Variants in ATF7 observed in about 807,000 individuals in gnomAD.
The protein encoded by ATF7 is activating transcription factor 7.
Under a neutral mutation model 50.4 loss-of-function variants are expected in ATF7, and 10 were observed. The ratio of observed to expected loss-of-function variants is 0.20; its 90% CI spans 0.12 to 0.34. ATF7 has a LOEUF of 0.34. ATF7 is among the 10% of genes least tolerant of loss of function. The probability of loss-of-function intolerance (pLI) is 1.00; values close to 1 mark genes in which losing one functional copy is unlikely to be tolerated. For missense variants in ATF7, 465 were observed against 613.9 expected (o/e 0.76, Z 2.56); for synonymous variants, 201 against 226.4 (o/e 0.89, Z 1.01).
chr12:53,533,397 C>T, intron 6 of ATF7, 138 bp from the exon 7 acceptor site: 1 of 650,162 alleles, frequency 1.5e-6, no homozygotes, highest in Admixed American at 2.8e-5. Flanking sequence ...TTGACACCCT[C>T]ATGAAGGTGA....
chr12:53,541,571 A>G (rs1939555231), intron 4 of ATF7, among the ~76,000 whole-genome samples: 1 of 152,128 alleles, frequency 6.6e-6, no homozygotes, highest in Non-Finnish European at 1.5e-5. Flanking sequence ...AGGGATCTGA[A>G]CTATATAAAG....
chr12:53,625,868 C>T (rs1329017575), intron 1 of ATF7: 2 of 152,308 alleles, frequency 1.3e-5, no homozygotes, highest in Non-Finnish European at 2.9e-5. Context: ...ATGATCCTTC[C>T]ATTAGGCTCC....
At chr12:53,550,255 G>A (rs537207140) in intron 3 of ATF7, among the ~76,000 whole-genome samples, 1 of 151,334 alleles carries the variant, frequency 6.6e-6, no homozygotes, top group East Asian at 2.0e-4. Flanking sequence ...GCCTGGGAGG[G>A]GGAGGTTGTG....
chr12:53,579,352 G>A (rs763715280), intron 2 of ATF7, among the ~76,000 whole-genome samples: 2 of 151,680 alleles, frequency 1.3e-5, no homozygotes, highest in African/African-American at 2.4e-5. Flanking sequence ...GGCCAAAATA[G>A]TGAAATGCCA....
chr12:53,542,164 G>T (rs1347749555), intron 4 of ATF7, among the ~76,000 whole-genome samples: 2 of 144,980 alleles, frequency 1.4e-5, no homozygotes, highest in African/African-American at 5.1e-5. Flanking sequence ...GGTGGTTTAC[G>T]CCTGTAATCC....
intron 2 of ATF7, among the ~76,000 whole-genome samples, chr12:53,560,603 C>T (rs959843841): frequency 3.9e-5 from 6 of 152,158 alleles, no homozygotes; most frequent in Non-Finnish European, 7.3e-5. Context: ...TTGCTTTTGG[C>T]CACCACAGCA....
chr12:53,549,412 T>C (rs1325143524), intron 3 of ATF7, among the ~76,000 whole-genome samples: 1 of 151,928 alleles, frequency 6.6e-6, no homozygotes, highest in Non-Finnish European at 1.5e-5. Flanking sequence ...CCCTTTCTTT[T>C]TTTTTTTCAA....
intron 3 of ATF7, among the ~76,000 whole-genome samples, chr12:53,550,609 G>C (rs1215083708): frequency 6.6e-6 from 1 of 152,112 alleles, no homozygotes; most frequent in African/African-American, 2.4e-5. Flanking sequence ...TCAAGATTTT[G>C]AGAATACTGA....
intron 1 of ATF7, among the ~76,000 whole-genome samples, chr12:53,622,948 C>T (rs113833881): frequency 0.017 from 2,628 of 152,206 alleles, 71 homozygotes; most frequent in African/African-American, 0.06. Context: ...CCTAGGAGTT[C>T]GAGGTTACAA....
At position 53,603,303 on chromosome 12, in the gene ATF7, C is replaced by T. The variant is rs541342928; in HGVS notation, c.-21-2282G>A. Among the ~76,000 whole-genome samples, 6 of 152,010 alleles carry T rather than the reference C, an allele frequency of 3.9e-5. No individual in the cohort carries two copies. In the South Asian group the frequency reaches 1.2e-3, roughly 31 times the overall value. On this transcript the variant is annotated intron_variant, in intron 1 of 11. Coordinates refer to ENST00000420353, the MANE Select transcript of ATF7 (RefSeq NM_006856.3). ...AATGTAACTTGCCTTTGCACAATCA[C>T]ATCACACTATATGGCTTCCAAATTT... is the stretch of plus-strand genomic sequence containing the variant.
At chr12:53,544,388 A>G (rs892474675) in intron 3 of ATF7, among the ~76,000 whole-genome samples, 1 of 152,220 alleles carries the variant, frequency 6.6e-6, no homozygotes, top group Non-Finnish European at 1.5e-5. Flanking sequence ...AACCGCTAGA[A>G]TGAATGACAG....
intron 1 of ATF7, among the ~76,000 whole-genome samples, chr12:53,617,168 G>A (rs1048466229): frequency 6.6e-6 from 1 of 152,086 alleles, no homozygotes; most frequent in African/African-American, 2.4e-5. Context: ...CGCTACAAAC[G>A]CATGTCACCA....
intron 1 of ATF7, among the ~76,000 whole-genome samples, chr12:53,620,255 A>G (rs959744348): frequency 4.6e-5 from 7 of 151,944 alleles, no homozygotes; most frequent in East Asian, 3.9e-4. Flanking sequence ...CCTGGCCAAC[A>G]TGATGAAAAC....
chr12:53,588,105 C>G (rs1942799933), intron 2 of ATF7, among the ~76,000 whole-genome samples: 1 of 152,092 alleles, frequency 6.6e-6, no homozygotes, highest in Admixed American at 6.6e-5. Context: ...TGGCCTCAGC[C>G]TCCCAATGTG....
intron 2 of ATF7, among the ~76,000 whole-genome samples, chr12:53,590,532 G>A (rs1440524439): frequency 1.3e-5 from 2 of 152,154 alleles, no homozygotes; most frequent in East Asian, 3.8e-4. Flanking sequence ...CCCAGATACA[G>A]CCCATTCAGT....
At chr12:53,537,270 T>C (rs1939278517) in intron 5 of ATF7, 145 bp downstream of exon 5, 2 of 999,678 alleles carry the variant, frequency 2.0e-6, no homozygotes, top group Non-Finnish European at 2.8e-6. Flanking sequence ...GGTTTCTCCA[T>C]GTTGCCCAGG....
At chr12:53,620,526 A>G (rs1944333996) in intron 1 of ATF7, among the ~76,000 whole-genome samples, 1 of 143,182 alleles carries the variant, frequency 7.0e-6, no homozygotes, top group African/African-American at 2.6e-5. Flanking sequence ...CAGTGAGCCG[A>G]GATCCCGCCA....
chr12:53,574,206 A>T (rs1323599225), intron 2 of ATF7, among the ~76,000 whole-genome samples: 1 of 152,234 alleles, frequency 6.6e-6, no homozygotes, highest in Non-Finnish European at 1.5e-5. Context: ...ACAGATGGAT[A>T]ATATAAGAAG....
At chr12:53,535,328 C>CAAAAAAAAAAAAAAAAAAAAAAAAA (rs397938442) in intron 5 of ATF7, among the ~76,000 whole-genome samples, 4 of 64,964 alleles carry the variant, frequency 6.2e-5, no homozygotes, top group East Asian at 4.8e-4. Flanking sequence ...GACTCTGCCT[C>CAAAAAAAAAAAAAAAAAAAAAAAAA]AAAAAAAAAA....
Sources: allele counts gnomAD v4.1 joint callset (sites outside exome capture counted in the v4.1 genomes callset), GRCh38; gene constraint gnomAD v4.1.1; transcripts MANE v1.5; gene names NCBI Gene and HGNC (gene_info 2026-07-23, HGNC 2026-07-21).